The following SORCS2 variants were observed in gnomAD, a reference collection of about 807,000 sequenced individuals.
SORCS2 encodes sortilin related VPS10 domain containing receptor 2.
In SORCS2, 100 loss-of-function variants were observed where a neutral mutation model predicts 141.6. The ratio of observed to expected loss-of-function variants is 0.71; its 90% CI spans 0.60 to 0.83. SORCS2 has a LOEUF of 0.83. SORCS2 is among the 40% of genes least tolerant of loss of function. The probability of loss-of-function intolerance (pLI) is 0.00; values close to 1 mark genes in which losing one functional copy is unlikely to be tolerated. For missense variants in SORCS2, 1,646 were observed against 1,560.2 expected (o/e 1.05, Z -0.93); for synonymous variants, 789 against 676.9 (o/e 1.17, Z -2.57).
intron 1 of SORCS2, among the ~76,000 whole-genome samples, chr4:7,264,356 C>T (rs939007421): frequency 6.6e-6 from 1 of 152,196 alleles, no homozygotes; most frequent in African/African-American, 2.4e-5. Context: ...ATCTCCTAGA[C>T]CCTGGCCCTC....
At chr4:7,565,232 C>G (rs926092826) in intron 3 of SORCS2, among the ~76,000 whole-genome samples, 2 of 152,148 alleles carry the variant, frequency 1.3e-5, no homozygotes, top group African/African-American at 4.8e-5. Context: ...CAAACAACTT[C>G]CCCGGCTGAC....
At chr4:7,327,803 G>GCC (rs528313573) in intron 1 of SORCS2, among the ~76,000 whole-genome samples, 3 of 150,500 alleles carry the variant, frequency 2.0e-5, no homozygotes, top group African/African-American at 7.3e-5. Context: ...TTGTGTGACC[G>GCC]CCCCCCCCAA....
chr4:7,434,418 G>C, intron 2 of SORCS2: 1 of 1,608,656 alleles, frequency 6.2e-7, no homozygotes, highest in Admixed American at 1.7e-5. Flanking sequence ...TGTCCTCTTT[G>C]GAGAGTGGCC....
chr4:7,696,423 A>G (rs1724712226), intron 11 of SORCS2, among the ~76,000 whole-genome samples: 1 of 152,072 alleles, frequency 6.6e-6, no homozygotes, highest in East Asian at 1.9e-4. Flanking sequence ...GGCTGTGATG[A>G]TTTTCCTGGT....
intron 8 of SORCS2, among the ~76,000 whole-genome samples, chr4:7,671,899 A>T (rs1489379310): frequency 6.6e-6 from 1 of 151,970 alleles, no homozygotes; most frequent in Non-Finnish European, 1.5e-5. Flanking sequence ...ACACAAAGAG[A>T]TCCACACCAA....
intron 3 of SORCS2, among the ~76,000 whole-genome samples, chr4:7,563,202 C>A (rs1452704341): frequency 6.6e-6 from 1 of 152,076 alleles, no homozygotes; most frequent in African/African-American, 2.4e-5. Context: ...CAGGCATGCC[C>A]AGATGTGCAG....
At chr4:7,497,669 T>G (rs1731711349) in intron 2 of SORCS2, among the ~76,000 whole-genome samples, 1 of 152,250 alleles carries the variant, frequency 6.6e-6, no homozygotes, top group South Asian at 2.1e-4. Context: ...CACGTTTCAC[T>G]CGCTTCATCT....
chr4:7,716,661 CATCT>C (rs765373831), intron 17 of SORCS2, among the ~76,000 whole-genome samples: 5 of 147,618 alleles, frequency 3.4e-5, no homozygotes, highest in African/African-American at 7.4e-5. Context: ...ATCCATCCAC[CATCT>C]ATCTATTCAT....
At chr4:7,291,432 C>T (rs1199612977) in intron 1 of SORCS2, among the ~76,000 whole-genome samples, 1 of 152,034 alleles carries the variant, frequency 6.6e-6, no homozygotes, top group Non-Finnish European at 1.5e-5. Context: ...CTGGTGGTGC[C>T]GTGAGCAAGA....
In SORCS2 at chr4:7,352,123, C is replaced by T. The variant is rs368494308; in HGVS notation, c.481-44165C>T. Among the ~76,000 whole-genome samples, 5 of 152,314 alleles carry T rather than the reference C, an allele frequency of 3.3e-5. No homozygotes were observed. The East Asian group carries it at 5.8e-4, about 18-fold the overall frequency. ...GGTGGGGTTAGTTGCTTCTTCTGGG[C>T]TCACAGAAGCCTCTGTGTATCCATC... is the stretch of plus-strand genomic sequence containing the variant. On this transcript the variant is annotated intron_variant, in intron 1 of 26. Transcript: ENST00000507866.
intron 2 of SORCS2, among the ~76,000 whole-genome samples, chr4:7,531,203 T>C (rs1009587844): frequency 2.0e-5 from 3 of 152,194 alleles, no homozygotes; most frequent in East Asian, 1.9e-4. Context: ...GTGAGATGCA[T>C]GTGGTAACCT....
intron 2 of SORCS2, among the ~76,000 whole-genome samples, chr4:7,516,888 A>G (rs1198396856): frequency 6.6e-6 from 1 of 152,136 alleles, no homozygotes; most frequent in African/African-American, 2.4e-5. Flanking sequence ...TTGGGGCCGC[A>G]TGTTGTGAGG....
chr4:7,331,205 AT>A (rs1719635050), intron 1 of SORCS2, among the ~76,000 whole-genome samples: 2 of 151,786 alleles, frequency 1.3e-5, no homozygotes, highest in African/African-American at 4.8e-5. Context: ...TCTGGGTTTC[AT>A]TTTCCGTGGG....
At chr4:7,369,293 A>G (rs889921605) in intron 1 of SORCS2, among the ~76,000 whole-genome samples, 1 of 152,222 alleles carries the variant, frequency 6.6e-6, no homozygotes, top group African/African-American at 2.4e-5. Flanking sequence ...CCTGAGCAAC[A>G]GAGCCAGACT....
intron 2 of SORCS2, among the ~76,000 whole-genome samples, chr4:7,517,027 C>T (rs1401273407): frequency 6.6e-6 from 1 of 152,172 alleles, no homozygotes; most frequent in South Asian, 2.1e-4. Flanking sequence ...AACGAGCTAA[C>T]GCGTCCAGCA....
chr4:7,716,964 T>C (rs1228273904), intron 17 of SORCS2, among the ~76,000 whole-genome samples: 1 of 152,230 alleles, frequency 6.6e-6, no homozygotes, highest in Non-Finnish European at 1.5e-5. Context: ...GCTTATTCAG[T>C]GGCAGAGCCA....
At chr4:7,655,122 G>A (rs538423069) in intron 5 of SORCS2, among the ~76,000 whole-genome samples, 19 of 152,198 alleles carry the variant, frequency 1.2e-4, no homozygotes, top group African/African-American at 2.7e-4. Context: ...GCCATATCCC[G>A]TCCTTCTGGT....
At chr4:7,256,770 G>T (rs1713908915) in intron 1 of SORCS2, among the ~76,000 whole-genome samples, 1 of 147,844 alleles carries the variant, frequency 6.8e-6, no homozygotes, top group African/African-American at 2.5e-5. Context: ...GGGAAAGGGG[G>T]CGTCCAGCAT....
At chr4:7,625,809 G>GA (rs1207528523) in intron 3 of SORCS2, among the ~76,000 whole-genome samples, 2 of 151,990 alleles carry the variant, frequency 1.3e-5, no homozygotes, top group Admixed American at 1.3e-4. Context: ...AACGGAGGAA[G>GA]GAGGGGAGGA....
Sources: gnomAD v4.1 joint callset for allele counts (sites outside exome capture counted in the v4.1 genomes callset) on GRCh38, gnomAD v4.1.1 for gene constraint, MANE v1.5 for transcripts, NCBI Gene and HGNC (gene_info 2026-07-23, HGNC 2026-07-21) for gene names.